PDE3B: variants seen among roughly 807,000 people sequenced by gnomAD.
PDE3B encodes cGMP-inhibited 3',5'-cyclic phosphodiesterase 3B.
PDE3B carries 66 observed loss-of-function variants against 116.8 expected under a neutral mutation model. The ratio of observed to expected loss-of-function variants is 0.56; its 90% CI spans 0.46 to 0.69. PDE3B has a LOEUF of 0.69. PDE3B is among the 30% of genes least tolerant of loss of function. PDE3B has a pLI of 0.00. For missense variants in PDE3B, 1,384 were observed against 1,368.1 expected (o/e 1.01, Z -0.18); for synonymous variants, 595 against 533.6 (o/e 1.12, Z -1.59).
At chr11:14,725,791 C>G (rs985275429) in intron 1 of PDE3B, among the ~76,000 whole-genome samples, 9 of 151,474 alleles carry the variant, frequency 5.9e-5, no homozygotes, top group Non-Finnish European at 8.8e-5. Flanking sequence ...ATTGGAGTAA[C>G]CTCTGTTCTG....
downstream of PDE3B, among the ~76,000 whole-genome samples, chr11:14,873,164 G>A: frequency 6.6e-6 from 1 of 152,158 alleles, no homozygotes; most frequent in Non-Finnish European, 1.5e-5. Flanking sequence ...CAAAGAAGAT[G>A]TAATCTGAAG....
chr11:14,834,094 A>G (rs2133965215), intron 10 of PDE3B, among the ~76,000 whole-genome samples: 1 of 152,336 alleles, frequency 6.6e-6, no homozygotes, highest in South Asian at 2.1e-4. Context: ...CATGACACTT[A>G]GTAAATTGTT....
At chr11:14,741,066 A>G (rs1856756128) in intron 1 of PDE3B, among the ~76,000 whole-genome samples, 1 of 151,852 alleles carries the variant, frequency 6.6e-6, no homozygotes. Flanking sequence ...GCTGAGAAGA[A>G]TGTATATTCC....
intron 11 of PDE3B, among the ~76,000 whole-genome samples, chr11:14,842,905 T>C (rs1326719114): frequency 2.0e-5 from 3 of 152,208 alleles, no homozygotes; most frequent in Non-Finnish European, 4.4e-5. Flanking sequence ...TGATGGTGTA[T>C]TGAGTCAACT....
chr11:14,828,604 A>G (rs1859774926), intron 7 of PDE3B, among the ~76,000 whole-genome samples: 1 of 152,216 alleles, frequency 6.6e-6, no homozygotes, highest in Non-Finnish European at 1.5e-5. Flanking sequence ...TCAAAACCAC[A>G]ATGAAACACC....
chr11:14,886,175 G>A, the PDE3B span: 4 of 476,988 alleles, frequency 8.4e-6, no homozygotes, highest in Admixed American at 6.8e-5. Context: ...CTGGACTCGG[G>A]AGGCCTGGGT....
At position 14,808,464 on chromosome 11, in the gene PDE3B, G is replaced by A. The variant is rs564143169; in HGVS notation, c.1522+4414G>A. Among the ~76,000 whole-genome samples the A allele has an allele frequency of 3.9e-5, 6 of 152,240 alleles. No individual in the cohort carries two copies. In the South Asian group the frequency reaches 1.0e-3, roughly 26 times the overall value. On this transcript the variant is annotated intron_variant, in intron 5 of 15. Coordinates refer to ENST00000282096, the MANE Select transcript of PDE3B (RefSeq NM_000922.4). Reference sequence around the variant, plus strand: ...ATAGAAATTATCCCTGAAGTGGATTGGATTTTAGACTTAGTATAAAACAAA... The same window carrying A: ...ATAGAAATTATCCCTGAAGTGGATTAGATTTTAGACTTAGTATAAAACAAA...
intron 1 of PDE3B, among the ~76,000 whole-genome samples, chr11:14,661,122 G>C (rs546427101): frequency 6.6e-6 from 1 of 152,146 alleles, no homozygotes; most frequent in Admixed American, 6.5e-5. Context: ...GATTCCTCAG[G>C]GATCTAGAAC....
the PDE3B span, among the ~76,000 whole-genome samples, chr11:14,894,652 T>TCCCCA: frequency 1.3e-5 from 2 of 152,118 alleles, no homozygotes; most frequent in African/African-American, 2.4e-5. Context: ...GATGAAATGT[T>TCCCCA]CCCCACCCCA....
In PDE3B at chr11:14,686,558, T is replaced by A. The variant is rs113956445; in HGVS notation, c.978+41505T>A. ...TTTAAATGACAGGAAAACATCTAGC[T>A]TTCTTTTTTTATGAGTGATTAAAAT... is the stretch of plus-strand genomic sequence containing the variant. On this transcript the variant is annotated intron_variant, in intron 1 of 15. Transcript: ENST00000282096. 3.2e-3 allele frequency among the ~76,000 whole-genome samples: 485 copies of A among 152,262 alleles called. 1 individual carries two copies. The highest frequency in any genetic ancestry group is 5.1e-3 in the Non-Finnish European group (344 of 68,016).
intron 1 of PDE3B, among the ~76,000 whole-genome samples, chr11:14,708,027 C>T (rs914543613): frequency 6.6e-6 from 1 of 152,012 alleles, no homozygotes; most frequent in African/African-American, 2.4e-5. Context: ...GGTTTGGATG[C>T]TTGTCCTCTT....
At chr11:14,822,730 C>CA (rs2133954104) in intron 7 of PDE3B, among the ~76,000 whole-genome samples, 2 of 152,308 alleles carry the variant, frequency 1.3e-5, no homozygotes, top group Middle Eastern at 3.4e-3. Context: ...AAAGCAGCTG[C>CA]AACTTGGCAA....
intron 14 of PDE3B, among the ~76,000 whole-genome samples, chr11:14,864,183 C>G (rs1410390521): frequency 6.6e-6 from 1 of 151,998 alleles, no homozygotes; most frequent in East Asian, 1.9e-4. Context: ...GACTTTAAAC[C>G]AACACAGACA....
chr11:14,777,813 A>G (rs989890958), intron 2 of PDE3B, among the ~76,000 whole-genome samples: 3 of 152,142 alleles, frequency 2.0e-5, no homozygotes, highest in African/African-American at 7.2e-5. Flanking sequence ...GATGCAGGAC[A>G]GTAGGTGCAA....
intron 1 of PDE3B, among the ~76,000 whole-genome samples, chr11:14,654,108 G>C (rs1374545325): frequency 1.1e-4 from 17 of 151,946 alleles, no homozygotes. Context: ...GTTCGAAAAG[G>C]GGATAATAAA....
chr11:14,838,062 G>A (rs1160448843), intron 11 of PDE3B, among the ~76,000 whole-genome samples: 2 of 151,526 alleles, frequency 1.3e-5, no homozygotes, highest in African/African-American at 4.8e-5. Context: ...CAGTGCAAGC[G>A]CCGCCTCCTG....
At chr11:14,832,131 C>A (rs1000708399) in intron 9 of PDE3B, among the ~76,000 whole-genome samples, 2 of 152,092 alleles carry the variant, frequency 1.3e-5, no homozygotes, top group Admixed American at 1.3e-4. Context: ...ACTCCCTATA[C>A]TTTACCCAAG....
chr11:14,644,581 G>C lies in PDE3B; in HGVS notation c.506G>C (p.Trp169Ser). Reference protein sequence around the residue: ...ACCYLGDFLVWQWWSWPWGDG... With the variant: ...ACCYLGDFLVSQWWSWPWGDG... ...TGTTACCTGGGGGACTTCTTGGTGT[G>C]GCAGTGGTGGTCTTGGCCTTGGGGG... Residue 169 changes from tryptophan (W) to serine (S), a missense_variant, in exon 1 of 16, where the codon TGG becomes TCG. Coordinates refer to ENST00000282096, the MANE Select transcript of PDE3B (RefSeq NM_000922.4). 1 of 1,582,700 alleles carries C rather than the reference G, an allele frequency of 6.3e-7. No individual in the cohort carries two copies. Among genetic ancestry groups the C allele is most frequent in the Non-Finnish European group, 8.6e-7 (1 of 1,164,982 alleles).
rs1848146545 is a variant in PDE3B at position 14,871,880 on chromosome 11, A to G, written c.*2220A>G. 1 of 148,262 alleles carries G rather than the reference A, an allele frequency of 6.7e-6. No homozygotes were observed. Among genetic ancestry groups the G allele is most frequent in the South Asian group, 2.1e-4 (1 of 4,786 alleles). 9.2% of individuals were successfully genotyped at this position (148,262 alleles called of 1,614,324 possible). A position where few individuals can be genotyped will look rare whatever the true frequency, so the allele number is the denominator to read the frequency against. ...TACTTGAGAAATTGCCATAAGCCAT[A>G]TTACAGATCTTACTTTGTTACTGAA... On this transcript the variant is annotated 3_prime_UTR_variant, in exon 16 of 16. Coordinates refer to ENST00000282096, the MANE Select transcript of PDE3B (RefSeq NM_000922.4).
Sources: gnomAD v4.1 joint callset for allele counts (sites outside exome capture counted in the v4.1 genomes callset) on GRCh38, gnomAD v4.1.1 for gene constraint, MANE v1.5 for transcripts, NCBI Gene and HGNC (gene_info 2026-07-23, HGNC 2026-07-21) for gene names.